Variants in GABRB1 observed in about 807,000 individuals in gnomAD.
The protein encoded by GABRB1 is gamma-aminobutyric acid type A receptor subunit beta1, also known as gamma-aminobutyric acid receptor subunit beta-1.
In GABRB1, 17 loss-of-function variants were observed where a neutral mutation model predicts 51.6. The ratio of observed to expected loss-of-function variants is 0.33; its 90% CI spans 0.23 to 0.49. The LOEUF is 0.49. Ranked by LOEUF, GABRB1 falls within the 20% of genes least tolerant of loss-of-function variation. The pLI is 0.99. For synonymous variants in GABRB1, 247 were observed against 218.9 expected, an observed-to-expected ratio of 1.13 and a Z score of -1.14; for missense variants, 410 against 600.6, an observed-to-expected ratio of 0.68 and a Z score of 3.32.
At chr4:47,337,558 G>A (rs10003548) in intron 5 of GABRB1, among the ~76,000 whole-genome samples, 147,302 of 152,042 alleles carry the variant, frequency 0.97, 71,458 homozygotes, top group East Asian at 1. Flanking sequence ...TAATTCCTGC[G>A]CTTTGGGAGG....
At chr4:47,113,103 G>A (rs1164511709) in intron 3 of GABRB1, among the ~76,000 whole-genome samples, 1 of 152,010 alleles carries the variant, frequency 6.6e-6, no homozygotes, top group East Asian at 1.9e-4. Context: ...AAAAAAATCA[G>A]GGCCGGGTGC....
At chr4:46,997,760 A>G (rs545778374) in intron 1 of GABRB1, among the ~76,000 whole-genome samples, 1 of 152,284 alleles carries the variant, frequency 6.6e-6, no homozygotes, top group Non-Finnish European at 1.5e-5. Context: ...ATACACACAC[A>G]TATATATGCA....
At chr4:47,345,414 A>G (rs1234090378) in intron 5 of GABRB1, among the ~76,000 whole-genome samples, 2 of 152,166 alleles carry the variant, frequency 1.3e-5, no homozygotes, top group African/African-American at 4.8e-5. Flanking sequence ...CTAAGGAGGT[A>G]AAGAGAGTTT....
At chr4:47,351,075 A>G (rs550750014) in intron 5 of GABRB1, among the ~76,000 whole-genome samples, 11 of 152,334 alleles carry the variant, frequency 7.2e-5, no homozygotes, top group African/African-American at 2.6e-4. Context: ...TGGGAAAGCA[A>G]ACTTACACTG....
At chr4:47,138,134 C>A (rs995411880) in intron 3 of GABRB1, among the ~76,000 whole-genome samples, 4 of 151,970 alleles carry the variant, frequency 2.6e-5, no homozygotes, top group Admixed American at 6.6e-5. Context: ...TGATGGGACT[C>A]TATGGTCTTC....
intron 3 of GABRB1, among the ~76,000 whole-genome samples, chr4:47,048,023 G>T (rs991731195): frequency 3.9e-5 from 6 of 152,106 alleles, no homozygotes; most frequent in Admixed American, 3.9e-4. Flanking sequence ...GGCTTAGATG[G>T]CTGTGCTGTC....
chr4:47,334,699 C>T (rs763813749), intron 5 of GABRB1, among the ~76,000 whole-genome samples: 18 of 152,182 alleles, frequency 1.2e-4, no homozygotes, highest in Admixed American at 3.9e-4. Flanking sequence ...TTTACACCTC[C>T]GCTATCTAGA....
chr4:47,056,813 A>G (rs1726627401), intron 3 of GABRB1, among the ~76,000 whole-genome samples: 1 of 152,146 alleles, frequency 6.6e-6, no homozygotes. Context: ...AATCATCTAT[A>G]AGATCATAAG....
intron 3 of GABRB1, among the ~76,000 whole-genome samples, chr4:47,132,468 C>A (rs111352675): frequency 0.014 from 2,118 of 151,912 alleles, 28 homozygotes; most frequent in Non-Finnish European, 0.021. Flanking sequence ...TTTAAAAAAG[C>A]TTTAAGAGAT....
At chr4:47,350,244 G>GAGAGAGAGAGAGA (rs1553877270) in intron 5 of GABRB1, among the ~76,000 whole-genome samples, 2 of 135,452 alleles carry the variant, frequency 1.5e-5, no homozygotes, top group African/African-American at 5.5e-5. Context: ...GAGAGAGAGA[G>GAGAGAGAGAGAGA]GTTTTAAGGC....
intron 4 of GABRB1, among the ~76,000 whole-genome samples, chr4:47,262,959 C>CTG (rs2109881506): frequency 6.8e-6 from 1 of 147,300 alleles, no homozygotes; most frequent in East Asian, 2.0e-4. Flanking sequence ...AACCAAACAC[C>CTG]GCATGTTCTC....
chr4:47,320,957 G>C (rs1044731293), intron 5 of GABRB1, among the ~76,000 whole-genome samples: 1 of 151,978 alleles, frequency 6.6e-6, no homozygotes, highest in Non-Finnish European at 1.5e-5. Context: ...TTTTAGTAGA[G>C]ACGAGGTTTC....
chr4:47,211,994 T>C (rs958136743), intron 4 of GABRB1, among the ~76,000 whole-genome samples: 2 of 152,158 alleles, frequency 1.3e-5, no homozygotes, highest in South Asian at 4.1e-4. Flanking sequence ...CCTTTTTTCA[T>C]ATAAGGTAAC....
chr4:47,360,121 A>G, intron 5 of GABRB1, among the ~76,000 whole-genome samples: 1 of 80,488 alleles, frequency 1.2e-5, no homozygotes, highest in East Asian at 2.1e-4. Context: ...GGAAAGCTTT[A>G]AAAAAAAAAA....
intron 3 of GABRB1, among the ~76,000 whole-genome samples, chr4:47,139,305 C>G (rs1716812626): frequency 6.6e-6 from 1 of 152,042 alleles, no homozygotes; most frequent in Non-Finnish European, 1.5e-5. Flanking sequence ...ACAAAGGCCT[C>G]CAGACAACAG....
intron 4 of GABRB1, among the ~76,000 whole-genome samples, chr4:47,311,060 CAAAAA>C (rs34566582): frequency 2.1e-4 from 11 of 52,176 alleles, no homozygotes; most frequent in Non-Finnish European, 3.2e-4. Context: ...AACTCTGTCT[CAAAAA>C]AAAAAAAAAA....
chr4:47,060,835 C>CAT (rs1268557988), intron 3 of GABRB1, among the ~76,000 whole-genome samples: 1 of 152,124 alleles, frequency 6.6e-6, no homozygotes, highest in African/African-American at 2.4e-5. Context: ...TGACCTTCAC[C>CAT]ATTTCTTCAT....
chr4:47,373,084 A>C (rs1727262881), intron 5 of GABRB1, among the ~76,000 whole-genome samples: 1 of 152,202 alleles, frequency 6.6e-6, no homozygotes, highest in African/African-American at 2.4e-5. Flanking sequence ...CCCTGTGGGA[A>C]TGAGGTGCTA....
At chr4:47,353,871 G>A (rs923072679) in intron 5 of GABRB1, among the ~76,000 whole-genome samples, 1 of 151,588 alleles carries the variant, frequency 6.6e-6, no homozygotes, top group Non-Finnish European at 1.5e-5. Context: ...TTACTTCTTG[G>A]TTTTTCAGGT....
Sources: gnomAD v4.1 joint callset for allele counts (sites outside exome capture counted in the v4.1 genomes callset) on GRCh38, gnomAD v4.1.1 for gene constraint, MANE v1.5 for transcripts, NCBI Gene and HGNC (gene_info 2026-07-23, HGNC 2026-07-21) for gene names.